The following DMRT1 variants were observed in gnomAD, a reference collection of about 807,000 sequenced individuals.
The protein encoded by DMRT1 is doublesex and mab-3 related transcription factor 1.
A neutral mutation model predicts 32.3 loss-of-function variants in DMRT1; 7 were observed. The observed-to-expected ratio is 0.22, with a 90% CI of 0.12 to 0.41. The LOEUF is 0.41. Among genes scored for constraint, DMRT1 ranks in the 10% least tolerant of loss-of-function variants. The pLI, the probability that DMRT1 is intolerant of heterozygous loss-of-function variation, is 1.00. For synonymous variants in DMRT1, 278 were observed against 206.1 expected (o/e 1.35, Z -2.99); for missense variants, 625 against 500.5 (o/e 1.25, Z -2.37).
chr9:905,225 A>T (rs1817727002), intron 3 of DMRT1, among the ~76,000 whole-genome samples: 1 of 152,166 alleles, frequency 6.6e-6, no homozygotes, highest in Non-Finnish European at 1.5e-5. Flanking sequence ...TTGGTATAGC[A>T]TTGGCCCTGT....
chr9:868,413 A>G (rs141123790), intron 2 of DMRT1, among the ~76,000 whole-genome samples: 1 of 152,248 alleles, frequency 6.6e-6, no homozygotes, highest in Non-Finnish European at 1.5e-5. Context: ...CTTTAAAAAA[A>G]CAAAATTCAC....
chr9:907,047 T>G (rs557295807), intron 3 of DMRT1, among the ~76,000 whole-genome samples: 1 of 152,286 alleles, frequency 6.6e-6, no homozygotes, highest in South Asian at 2.1e-4. Flanking sequence ...AATCTTATCG[T>G]CAGTAACCAG....
chr9:843,284 G>A (rs917412650), intron 1 of DMRT1, among the ~76,000 whole-genome samples: 1 of 152,242 alleles, frequency 6.6e-6, no homozygotes, highest in Non-Finnish European at 1.5e-5. Flanking sequence ...AAAAGTCGCT[G>A]CAATGGACAC....
At chr9:865,086 C>T (rs1191860115) in intron 2 of DMRT1, among the ~76,000 whole-genome samples, 1 of 152,160 alleles carries the variant, frequency 6.6e-6, no homozygotes, top group South Asian at 2.1e-4. Flanking sequence ...AGTCATTTTA[C>T]TGTTTGCGTT....
At chr9:899,244 GAAA>G (rs960236239) in intron 3 of DMRT1, among the ~76,000 whole-genome samples, 1 of 146,936 alleles carries the variant, frequency 6.8e-6, no homozygotes, top group Non-Finnish European at 1.5e-5. Flanking sequence ...TTGATTCCTA[GAAA>G]AAAAAAACTG....
chr9:902,857 A>G (rs954556862), intron 3 of DMRT1, among the ~76,000 whole-genome samples: 1 of 152,090 alleles, frequency 6.6e-6, no homozygotes, highest in Non-Finnish European at 1.5e-5. Context: ...GAATTCATTC[A>G]CAGGAACCCC....
intron 2 of DMRT1, among the ~76,000 whole-genome samples, chr9:875,439 C>A (rs7033788): frequency 1.3e-5 from 2 of 152,120 alleles, no homozygotes; most frequent in Non-Finnish European, 2.9e-5. Context: ...GGTTCTGCAT[C>A]TATTTTGATT....
At chr9:844,343 A>C (rs970965452) in intron 1 of DMRT1, among the ~76,000 whole-genome samples, 1 of 149,378 alleles carries the variant, frequency 6.7e-6, no homozygotes, top group Non-Finnish European at 1.5e-5. Flanking sequence ...GTATAGTTGC[A>C]TTTTTAATCA....
intron 4 of DMRT1, among the ~76,000 whole-genome samples, chr9:927,853 C>T (rs999469082): frequency 6.6e-6 from 1 of 152,140 alleles, no homozygotes; most frequent in Admixed American, 6.5e-5. Flanking sequence ...ACCATATTTG[C>T]CATCCTTTCC....
chr9:846,378 C>G lies in DMRT1; in HGVS notation c.355-582C>G, dbSNP rs566406953. ...TAAGTAATGTAGGATACAATCTACT[C>G]TTACTGGTACCTGTTTTTAGTACAG... On this transcript the variant is annotated intron_variant, in intron 1 of 4. Transcript: ENST00000382276. Among the ~76,000 whole-genome samples, 4 of 152,212 alleles carry G rather than the reference C, an allele frequency of 2.6e-5. No individual in the cohort carries two copies. In the East Asian group the frequency reaches 7.7e-4, roughly 29 times the overall value.
chr9:875,622 T>C (rs1294011538), intron 2 of DMRT1, among the ~76,000 whole-genome samples: 1 of 152,182 alleles, frequency 6.6e-6, no homozygotes, highest in African/African-American at 2.4e-5. Flanking sequence ...GTGGGCCAGT[T>C]AGATAGCTTC....
intron 2 of DMRT1, among the ~76,000 whole-genome samples, chr9:861,249 A>T (rs547952339): frequency 9.2e-5 from 14 of 151,764 alleles, no homozygotes; most frequent in South Asian, 4.2e-4. Context: ...GGTAGTTGAG[A>T]TTAGGGAGTG....
At chr9:897,591 C>T (rs1330926771) in intron 3 of DMRT1, among the ~76,000 whole-genome samples, 1 of 146,278 alleles carries the variant, frequency 6.8e-6, no homozygotes, top group Non-Finnish European at 1.5e-5. Context: ...GACACTGTCT[C>T]CAAAAAAAAA....
intron 3 of DMRT1, among the ~76,000 whole-genome samples, chr9:896,038 T>C (rs1341210733): frequency 6.6e-6 from 1 of 151,740 alleles, no homozygotes; most frequent in Non-Finnish European, 1.5e-5. Flanking sequence ...CTCTTGCCCT[T>C]GTGATTGGCC....
rs114139280 is a variant in DMRT1, at chr9:857,134, C to T, written c.538+9991C>T. Among the ~76,000 whole-genome samples the T allele has an allele frequency of 5.5e-3, 830 of 152,088 alleles. 5 individuals are homozygous for T. Among genetic ancestry groups the T allele is most frequent in the African/African-American group, 0.019 (785 of 41,490 alleles). The stretch of plus-strand genomic sequence containing the variant: ...GTTCGAAACCAGCCATGGTGAAACC[C>T]CGTCTCTACCAAAAATACAAAAATT... On this transcript the variant is annotated intron_variant, in intron 2 of 4. Transcript: ENST00000382276.
chr9:916,636 T>A lies in DMRT1; in HGVS notation c.823-127T>A, dbSNP rs892947091. The A allele has an allele frequency of 2.9e-5, 33 of 1,142,922 alleles. No individual in the cohort carries two copies. The African/African-American group carries it at 5.1e-4, about 18-fold the overall frequency. The allele number at this position is 1,142,922 out of a possible 1,614,324, so 70.8% of individuals were successfully genotyped here. ...ATCCTCCCGCCCTGGCCTCCCAAGG[T>A]GTCGGGAACATAGGCATGAGCCACT... On this transcript the variant is annotated intron_variant, in intron 3 of 4. Coordinates refer to ENST00000382276, the MANE Select transcript of DMRT1 (RefSeq NM_021951.3).
At chr9:878,822 A>C (rs984238572) in intron 2 of DMRT1, among the ~76,000 whole-genome samples, 104 of 152,294 alleles carry the variant, frequency 6.8e-4, no homozygotes, top group African/African-American at 2.3e-3. Context: ...CTCTCATATA[A>C]TTCTCAAGTA....
At chr9:843,223 G>A (rs1564190446) in intron 1 of DMRT1, among the ~76,000 whole-genome samples, 1 of 152,234 alleles carries the variant, frequency 6.6e-6, no homozygotes, top group East Asian at 1.9e-4. Context: ...AGGCTCGGCC[G>A]GCTGCTGCTT....
intron 4 of DMRT1, among the ~76,000 whole-genome samples, chr9:966,099 C>A (rs1819923147): frequency 1.3e-5 from 2 of 152,174 alleles, no homozygotes; most frequent in Admixed American, 1.3e-4. Context: ...TCAAAGCAGT[C>A]TGCTGCCTTT....
Sources: gnomAD v4.1 joint callset for allele counts (sites outside exome capture counted in the v4.1 genomes callset) on GRCh38, gnomAD v4.1.1 for gene constraint, MANE v1.5 for transcripts, NCBI Gene and HGNC (gene_info 2026-07-23, HGNC 2026-07-21) for gene names.